Variants in ABCA1 observed in about 807,000 individuals in gnomAD.
The protein encoded by ABCA1 is phospholipid-transporting ATPase ABCA1.
Under a neutral mutation model 262.5 loss-of-function variants are expected in ABCA1, and 133 were observed. The ratio of observed to expected loss-of-function variants is 0.51; its 90% CI spans 0.44 to 0.59. The LOEUF is 0.59. ABCA1 is among the 20% of genes least tolerant of loss of function. The pLI is 0.00. For missense variants in ABCA1, 2,452 were observed against 2,777.5 expected, an observed-to-expected ratio of 0.88 and a Z score of 2.63; for synonymous variants, 1,022 against 1,043.5, an observed-to-expected ratio of 0.98 and a Z score of 0.40.
At chr9:104,913,931 G>A (rs912507753) in intron 1 of ABCA1, among the ~76,000 whole-genome samples, 3 of 151,592 alleles carry the variant, frequency 2.0e-5, no homozygotes, top group African/African-American at 7.3e-5. Context: ...GAGTAGCTGG[G>A]ACTACCGACA....
chr9:104,913,851 A>C (rs534107995), intron 1 of ABCA1, among the ~76,000 whole-genome samples: 6 of 152,266 alleles, frequency 3.9e-5, no homozygotes, highest in Admixed American at 2.6e-4. Context: ...GCTGGAGTGC[A>C]GTGGCGCGAT....
At chr9:104,786,418 T>A in intron 47 of ABCA1, 28 bp from the exon 48 acceptor site, 1 of 1,587,460 alleles carries the variant, frequency 6.3e-7, no homozygotes, top group Non-Finnish European at 8.7e-7. Flanking sequence ...GAGGTTTTAG[T>A]TTTAGAGAGA....
chr9:104,852,587 T>C (rs973713669), intron 7 of ABCA1, among the ~76,000 whole-genome samples: 2 of 152,180 alleles, frequency 1.3e-5, no homozygotes, highest in Non-Finnish European at 2.9e-5. Flanking sequence ...TCTGTGTAAA[T>C]GGAGTTGAGC....
chr9:104,915,687 A>G (rs1459471465), intron 1 of ABCA1, among the ~76,000 whole-genome samples: 3 of 152,194 alleles, frequency 2.0e-5, no homozygotes, highest in East Asian at 1.9e-4. Context: ...GCCAAAGAAC[A>G]AAGTGGGAAA....
chr9:104,861,233 G>A lies in ABCA1; in HGVS notation c.543+446C>T, dbSNP rs73663575. The stretch of plus-strand genomic sequence containing the variant: ...ACAGTTCTCAACTCAGTGCCACTGC[G>A]TCCAGCCCTTATTTTATAAAATTCT... On this transcript the variant is annotated intron_variant, in intron 6 of 49. Transcript: ENST00000374736. Among the ~76,000 whole-genome samples, 1,323 of 152,190 alleles carry A rather than the reference G, an allele frequency of 8.7e-3. 26 individuals are homozygous for A. Among genetic ancestry groups the A allele is most frequent in the African/African-American group, 0.03 (1,236 of 41,502 alleles).
At position 104,794,530 on chromosome 9, in the gene ABCA1, A is replaced by AAAAAAC; in HGVS notation, c.5383-21_5383-20insGTTTTT. On this transcript the variant is annotated intron_variant, in intron 39 of 49. Coordinates refer to ENST00000374736, the MANE Select transcript of ABCA1 (RefSeq NM_005502.4). ...CAGCTTCTAAAAAAAAAAAAAAAAA[A>AAAAAAC]TGGGAGGGAAGGGAGGGTGAGGGAG... The AAAAAAC allele has an allele frequency of 6.4e-7, 1 of 1,567,706 alleles. No individual in the cohort carries two copies. Among genetic ancestry groups the AAAAAAC allele is most frequent in the Non-Finnish European group, 8.7e-7 (1 of 1,149,572 alleles).
chr9:104,897,028 G>A (rs1043186926), intron 2 of ABCA1, among the ~76,000 whole-genome samples: 2 of 151,542 alleles, frequency 1.3e-5, no homozygotes, highest in African/African-American at 2.4e-5. Context: ...CCATATCCAG[G>A]TTTTAATAAA....
chr9:104,879,785 G>C (rs1265758244), intron 5 of ABCA1, among the ~76,000 whole-genome samples: 1 of 152,100 alleles, frequency 6.6e-6, no homozygotes, highest in African/African-American at 2.4e-5. Flanking sequence ...GAACAAGGGA[G>C]GCAAAAATCC....
chr9:104,841,414 C>A (rs776489158), intron 8 of ABCA1, among the ~76,000 whole-genome samples: 1 of 150,488 alleles, frequency 6.6e-6, no homozygotes, highest in Non-Finnish European at 1.5e-5. Flanking sequence ...CCAGCCTGGG[C>A]GACAAAAGCA....
chr9:104,898,504 T>G (rs1432002863), intron 2 of ABCA1, among the ~76,000 whole-genome samples: 1 of 151,594 alleles, frequency 6.6e-6, no homozygotes, highest in Admixed American at 6.6e-5. Context: ...CCGAGATTGC[T>G]CCACTGCACT....
chr9:104,819,314 C>T (rs922735120), intron 22 of ABCA1, among the ~76,000 whole-genome samples: 3 of 152,204 alleles, frequency 2.0e-5, no homozygotes, highest in African/African-American at 4.8e-5. Context: ...AGAGCCCAAT[C>T]GTCTTCCTGC....
chr9:104,917,180 A>T (rs890482023), intron 1 of ABCA1, among the ~76,000 whole-genome samples: 3 of 152,218 alleles, frequency 2.0e-5, no homozygotes, highest in African/African-American at 7.2e-5. Flanking sequence ...GAGAGACAAG[A>T]GTTTGAATCC....
At chr9:104,912,993 T>C (rs1477506938) in intron 1 of ABCA1, among the ~76,000 whole-genome samples, 1 of 152,162 alleles carries the variant, frequency 6.6e-6, no homozygotes, top group African/African-American at 2.4e-5. Flanking sequence ...TTCCCTGCTG[T>C]TATAGGACGG....
intron 7 of ABCA1, among the ~76,000 whole-genome samples, chr9:104,854,704 A>C (rs1835683369): frequency 1.3e-5 from 2 of 152,138 alleles, no homozygotes; most frequent in African/African-American, 4.8e-5. Context: ...AAGACAAAAG[A>C]AGCCCCTGCC....
chr9:104,897,974 G>A (rs1840360509), intron 2 of ABCA1, among the ~76,000 whole-genome samples: 1 of 152,198 alleles, frequency 6.6e-6, no homozygotes, highest in African/African-American at 2.4e-5. Flanking sequence ...GAATTGCTGT[G>A]AGAATCAAGA....
At position 104,814,153 on chromosome 9, in the gene ABCA1, T is replaced by A. The variant is rs771861910; in HGVS notation, c.3866A>T (p.Asp1289Val). ...GTCAGAATCATTTGGATCAGCAGCA[T>A]CATCTTCAGTGAACGGGCGAAGACA... The part of the protein sequence containing the change: ...QSCLRPFTED[D>V]AADPNDSDID... Residue 1289 changes from aspartate to valine, a missense_variant, in exon 27 of 50, where the codon GAT becomes GTT. Asp to Val is a radical substitution (Grantham distance 152). Around this residue, in one of 4 missense-constraint regions of ABCA1, gnomAD observed 665 missense variants for 727.3 expected, o/e 0.91. Transcript: ENST00000374736. The A allele has an allele frequency of 6.2e-7, 1 of 1,614,226 alleles. No homozygotes were observed. The highest frequency in any genetic ancestry group is 2.2e-5 in the East Asian group (1 of 44,878).
chr9:104,786,968 G>A lies in ABCA1; in HGVS notation c.6213C>T (p.Pro2071=). Residue 2071 remains proline (P), a synonymous_variant, in exon 47 of 50, where the codon CCC becomes CCT. Coordinates refer to ENST00000374736, the MANE Select transcript of ABCA1 (RefSeq NM_005502.4). ...GGGCTTTGGGATCCATGCCTGTGGT[G>A]GGTTCATCCTGTAATTAGAATAAAA... is the stretch of plus-strand genomic sequence containing the variant. The part of the protein sequence containing the change: ...GGPPVVFLDE[P]TTGMDPKARR... 6.2e-7 allele frequency: 1 copy of A among 1,613,570 alleles called. No individual in the cohort carries two copies. The highest frequency in any genetic ancestry group is 8.5e-7 in the Non-Finnish European group (1 of 1,179,838).
At chr9:104,831,142 C>G (rs1477639359) in intron 13 of ABCA1, 41 bp from the exon 14 acceptor site, 2 of 1,249,344 alleles carry the variant, frequency 1.6e-6, no homozygotes, top group African/African-American at 4.1e-5. Flanking sequence ...CCTTTAGAAC[C>G]ATACAATAAA....
Position 104,818,775 on chromosome 9 carries a change from A to G in ABCA1, c.3350T>C (p.Phe1117Ser). 1 of 1,614,012 alleles carries G rather than the reference A, an allele frequency of 6.2e-7. No individual in the cohort carries two copies. The highest frequency in any genetic ancestry group is 8.5e-7 in the Non-Finnish European group (1 of 1,180,026). The change falls in exon 23 of 50, where the codon TTT (phenylalanine) becomes TCT (serine). Residue 1117 changes from phenylalanine (F) to serine (S), a missense_variant. By Grantham distance (155) the Phe-to-Ser change is radical. Around this residue, in one of 4 missense-constraint regions of ABCA1, gnomAD observed 665 missense variants for 727.3 expected, o/e 0.91. Transcript: ENST00000374736. ...GCCTGTTCCCAGCTGGTTCTTCAGA[A>G]ACAGGGAGGAGCCCACACAGCACAG... ...GKLCCVGSSL[F>S]LKNQLGTGYY...
Sources: gnomAD v4.1 joint callset for allele counts (sites outside exome capture counted in the v4.1 genomes callset) on GRCh38, gnomAD v4.1.1 for gene constraint, gnomAD v4.1.1 regional missense constraint, MANE v1.5 for transcripts, NCBI Gene and HGNC (gene_info 2026-07-23, HGNC 2026-07-21) for gene names.